EXOC6: variants seen among roughly 807,000 people sequenced by gnomAD.
The protein encoded by EXOC6 is SEC15-like 1.
In EXOC6, 60 loss-of-function variants were observed where a neutral mutation model predicts 112.5. That is an observed-to-expected ratio of 0.53 (90% CI 0.43 to 0.66). The LOEUF is 0.66. EXOC6 is among the 30% of genes least tolerant of loss of function. The probability of loss-of-function intolerance (pLI) is 0.00; values close to 1 mark genes in which losing one functional copy is unlikely to be tolerated. For missense variants in EXOC6, 855 were observed against 957.1 expected, an observed-to-expected ratio of 0.89 and a Z score of 1.41; for synonymous variants, 295 against 308.0, an observed-to-expected ratio of 0.96 and a Z score of 0.44.
chr10:93,012,330 A>G (rs947537347), intron 19 of EXOC6, among the ~76,000 whole-genome samples: 1 of 152,240 alleles, frequency 6.6e-6, no homozygotes, highest in Non-Finnish European at 1.5e-5. Context: ...AAATTAGAAA[A>G]GCTAGACACA....
chr10:93,052,041 T>C (rs907195678), intron 20 of EXOC6, among the ~76,000 whole-genome samples: 4 of 152,192 alleles, frequency 2.6e-5, no homozygotes, highest in Non-Finnish European at 5.9e-5. Flanking sequence ...TGCTTTTCTC[T>C]TGAGGTTGGC....
intron 20 of EXOC6, among the ~76,000 whole-genome samples, chr10:93,027,423 T>C (rs187412409): frequency 1.8e-4 from 27 of 152,350 alleles, no homozygotes; most frequent in Admixed American, 4.6e-4. Context: ...ATTTTCAGTG[T>C]AGATCAAACA....
At chr10:92,981,205 A>G (rs1842813395) in intron 18 of EXOC6, among the ~76,000 whole-genome samples, 1 of 152,248 alleles carries the variant, frequency 6.6e-6, no homozygotes, top group South Asian at 2.1e-4. Context: ...AACATTAAAC[A>G]TTCATTCATC....
intron 1 of EXOC6, among the ~76,000 whole-genome samples, chr10:92,884,951 T>C (rs769385930): frequency 6.6e-6 from 1 of 152,180 alleles, no homozygotes; most frequent in Non-Finnish European, 1.5e-5. Flanking sequence ...TCCAAAAAAT[T>C]CAAGTGGCCG....
chr10:93,020,279 T>C (rs1263298888), intron 20 of EXOC6, among the ~76,000 whole-genome samples: 1 of 152,142 alleles, frequency 6.6e-6, no homozygotes, highest in Non-Finnish European at 1.5e-5. Flanking sequence ...GCCCTAAAGC[T>C]AGAACTTAAT....
In EXOC6 at chr10:92,895,017, C is replaced by T. The variant is rs1462561666; in HGVS notation, c.409C>T (p.Pro137Ser). The change falls in exon 4 of 22, where the codon CCT (proline) becomes TCT (serine). Residue 137 changes from proline (P) to serine (S), a missense_variant. Physicochemically the swap from Pro to Ser is moderately conservative, Grantham distance 74. Transcript: ENST00000260762. ...AGTAGAAAAATTGCAGTTATGCCTTCCTGGTGAGTTAAACTTGTCTATAAT... is the reference window on the plus strand; with the variant it reads ...AGTAGAAAAATTGCAGTTATGCCTTTCTGGTGAGTTAAACTTGTCTATAAT... ...TVVEKLQLCL[P>S]VLEMYSKLKE... 6.3e-7 allele frequency: 1 copy of T among 1,585,276 alleles called. No homozygotes were observed. Among genetic ancestry groups the T allele is most frequent in the East Asian group, 2.2e-5 (1 of 44,662 alleles).
chr10:93,025,964 G>A (rs1286693787), intron 20 of EXOC6, among the ~76,000 whole-genome samples: 1 of 152,176 alleles, frequency 6.6e-6, no homozygotes, highest in Non-Finnish European at 1.5e-5. Flanking sequence ...GATAAAAGTA[G>A]CCTAAGTTTT....
Position 92,874,480 on chromosome 10 carries a change from C to A in EXOC6, c.102-18869C>A, listed in dbSNP as rs113851537. ...GATCAATATTGTGGTATTCCCATAACTTATTCATTTGGGAAGATATGCTCT... is the reference window on the plus strand; with the variant it reads ...GATCAATATTGTGGTATTCCCATAAATTATTCATTTGGGAAGATATGCTCT... On this transcript the variant is annotated intron_variant, in intron 1 of 21. Coordinates refer to ENST00000260762, the MANE Select transcript of EXOC6 (RefSeq NM_019053.6). Among the ~76,000 whole-genome samples, 747 of 152,220 alleles carry A rather than the reference C, an allele frequency of 4.9e-3. 4 individuals are homozygous for A. The highest frequency in any genetic ancestry group is 0.017 in the African/African-American group (717 of 41,516).
chr10:92,924,269 A>G (rs1329708636), intron 8 of EXOC6, among the ~76,000 whole-genome samples: 1 of 152,210 alleles, frequency 6.6e-6, no homozygotes, highest in Non-Finnish European at 1.5e-5. Flanking sequence ...GATTTTGACT[A>G]ATCTTAATAC....
chr10:92,917,055 C>T (rs945211822), intron 7 of EXOC6, among the ~76,000 whole-genome samples: 3 of 151,810 alleles, frequency 2.0e-5, no homozygotes, highest in Admixed American at 6.6e-5. Flanking sequence ...CCTCTGCCTC[C>T]TGGGTTCAAG....
At chr10:93,052,473 G>C (rs527388990) in intron 20 of EXOC6, among the ~76,000 whole-genome samples, 4 of 152,302 alleles carry the variant, frequency 2.6e-5, no homozygotes, top group African/African-American at 7.2e-5. Flanking sequence ...GACACACACA[G>C]GGAATGCTGA....
At chr10:92,881,017 C>T (rs1200401791) in intron 1 of EXOC6, among the ~76,000 whole-genome samples, 11 of 152,100 alleles carry the variant, frequency 7.2e-5, no homozygotes, top group South Asian at 4.2e-4. Context: ...GTTGGGGTCT[C>T]GTATGTGGTT....
At chr10:92,836,696 T>C (rs141158208) in intron 1 of EXOC6, among the ~76,000 whole-genome samples, 1 of 152,288 alleles carries the variant, frequency 6.6e-6, no homozygotes, top group African/African-American at 2.4e-5. Context: ...AATAAGTTGA[T>C]TAGATGAAGA....
chr10:92,977,214 G>T (rs1842657273), intron 18 of EXOC6, among the ~76,000 whole-genome samples: 1 of 152,042 alleles, frequency 6.6e-6, no homozygotes, highest in African/African-American at 2.4e-5. Context: ...GCATAAGTAG[G>T]TTAATCTGGA....
intron 20 of EXOC6, among the ~76,000 whole-genome samples, chr10:93,046,612 T>C (rs941784242): frequency 6.6e-6 from 1 of 151,438 alleles, no homozygotes; most frequent in African/African-American, 2.4e-5. Flanking sequence ...TTTTTTTTTT[T>C]ATGAGACCGA....
At chr10:92,938,583 C>T (rs1360951501) in intron 12 of EXOC6, among the ~76,000 whole-genome samples, 1 of 152,022 alleles carries the variant, frequency 6.6e-6, no homozygotes, top group Non-Finnish European at 1.5e-5. Flanking sequence ...AAAGTAATAC[C>T]AGCATATTTA....
chr10:92,933,125 T>G (rs1430111380), intron 9 of EXOC6, among the ~76,000 whole-genome samples: 4 of 152,098 alleles, frequency 2.6e-5, no homozygotes, highest in Non-Finnish European at 5.9e-5. Flanking sequence ...GCTTTTGAGT[T>G]GATAAAAATG....
At chr10:92,910,524 A>G (rs1850685691) in intron 6 of EXOC6, among the ~76,000 whole-genome samples, 1 of 152,202 alleles carries the variant, frequency 6.6e-6, no homozygotes, top group Non-Finnish European at 1.5e-5. Context: ...GTTTTATACC[A>G]TGATAAAAAT....
chr10:93,052,894 A>G (rs1203228998), intron 20 of EXOC6, among the ~76,000 whole-genome samples: 1 of 152,226 alleles, frequency 6.6e-6, no homozygotes, highest in Non-Finnish European at 1.5e-5. Context: ...GTTAACCAAT[A>G]AATACACCTG....
Sources: allele counts gnomAD v4.1 joint callset (sites outside exome capture counted in the v4.1 genomes callset), GRCh38; gene constraint gnomAD v4.1.1; transcripts MANE v1.5; gene names NCBI Gene and HGNC (gene_info 2026-07-23, HGNC 2026-07-21).